Variants in TAS2R1 observed in about 807,000 individuals in gnomAD.
TAS2R1 encodes the protein taste 2 receptor member 1, also known as taste receptor type 2 member 1.
For missense variants in TAS2R1, 370 were observed against 353.4 expected, an observed-to-expected ratio of 1.05 and a Z score of -0.38; for synonymous variants, 141 against 134.2, an observed-to-expected ratio of 1.05 and a Z score of -0.35.
chr5:9,761,414 G>GA, the TAS2R1 span, among the ~76,000 whole-genome samples: 2,096 of 114,860 alleles, frequency 0.018, 18 homozygotes, highest in Middle Eastern at 0.037. Context: ...TCAAGTCCCA[G>GA]AAAAAAAAAA....
chr5:9,884,933 C>T, the TAS2R1 span, among the ~76,000 whole-genome samples: 1 of 152,188 alleles, frequency 6.6e-6, no homozygotes, highest in Non-Finnish European at 1.5e-5. Flanking sequence ...TTGACATTCA[C>T]TCTCAGTCTT....
the TAS2R1 span, among the ~76,000 whole-genome samples, chr5:9,813,795 T>C: frequency 6.6e-6 from 1 of 152,220 alleles, no homozygotes. Context: ...ATTTATAGAA[T>C]TGAAAGTACA....
the TAS2R1 span, among the ~76,000 whole-genome samples, chr5:9,735,899 C>G: frequency 6.6e-6 from 1 of 152,214 alleles, no homozygotes; most frequent in Non-Finnish European, 1.5e-5. Flanking sequence ...CTTGCTTCCA[C>G]CTTCTCCAGT....
the TAS2R1 span, among the ~76,000 whole-genome samples, chr5:9,856,021 T>C: frequency 1.1e-4 from 16 of 152,176 alleles, no homozygotes; most frequent in Non-Finnish European, 2.4e-4. Context: ...TGCCTTTGAA[T>C]AAGAATTGTA....
At chr5:9,890,398 C>T in the TAS2R1 span, among the ~76,000 whole-genome samples, 2 of 152,170 alleles carry the variant, frequency 1.3e-5, no homozygotes, top group Non-Finnish European at 2.9e-5. Flanking sequence ...CTAGCCCTTC[C>T]TCCTCCGCCT....
chr5:9,711,977 GT>G (rs60664247), intron 1 of TAS2R1, among the ~76,000 whole-genome samples: 1,078 of 104,806 alleles, frequency 0.01, 6 homozygotes, highest in Admixed American at 0.025. Context: ...TATGTTCAAC[GT>G]TTTTTTTTTT....
chr5:9,805,286 G>A, the TAS2R1 span, among the ~76,000 whole-genome samples: 1 of 151,864 alleles, frequency 6.6e-6, no homozygotes, highest in Non-Finnish European at 1.5e-5. Flanking sequence ...CCAGGACCAG[G>A]CAGATTCACA....
chr5:9,890,096 G>A, the TAS2R1 span, among the ~76,000 whole-genome samples: 1 of 152,000 alleles, frequency 6.6e-6, no homozygotes, highest in African/African-American at 2.4e-5. Flanking sequence ...ATAAAATATA[G>A]GGTAAAAAGA....
chr5:9,745,143 C>T, the TAS2R1 span, among the ~76,000 whole-genome samples: 1 of 152,080 alleles, frequency 6.6e-6, no homozygotes, highest in Non-Finnish European at 1.5e-5. Context: ...GATGCAGTGG[C>T]CTGGCCTCAT....
chr5:9,840,774 CTCTT>C, the TAS2R1 span, among the ~76,000 whole-genome samples: 1 of 151,528 alleles, frequency 6.6e-6, no homozygotes, highest in African/African-American at 2.4e-5. Flanking sequence ...TAGTAACAAA[CTCTT>C]TCAGTTTTTA....
At chr5:9,824,015 G>C in the TAS2R1 span, among the ~76,000 whole-genome samples, 1 of 152,120 alleles carries the variant, frequency 6.6e-6, no homozygotes, top group Non-Finnish European at 1.5e-5. Flanking sequence ...AGTGTTGCCC[G>C]CCTGCCTCCT....
At chr5:9,788,372 G>A in the TAS2R1 span, among the ~76,000 whole-genome samples, 1 of 152,192 alleles carries the variant, frequency 6.6e-6, no homozygotes, top group African/African-American at 2.4e-5. Context: ...AGCTGGGGCT[G>A]CACGGATGGT....
At chr5:9,699,826 A>C (rs1042172850) in intron 1 of TAS2R1, among the ~76,000 whole-genome samples, 2 of 152,210 alleles carry the variant, frequency 1.3e-5, no homozygotes, top group African/African-American at 4.8e-5. Context: ...ATTATTAGCT[A>C]AAGCCCTGTA....
chr5:9,712,047 GGAGGGAGGGA>G (rs1734692368), intron 1 of TAS2R1: 1 of 143,342 alleles, frequency 7.0e-6, no homozygotes. Context: ...AGGGAGGGAG[GGAGGGAGGGA>G]GGGAATAGAA....
the TAS2R1 span, among the ~76,000 whole-genome samples, chr5:9,878,679 A>C: frequency 6.6e-6 from 1 of 152,196 alleles, no homozygotes; most frequent in African/African-American, 2.4e-5. Flanking sequence ...ATGGGGAGAG[A>C]CAAGGAGGTC....
intron 1 of TAS2R1, among the ~76,000 whole-genome samples, chr5:9,665,157 T>C (rs1241448427): frequency 6.6e-6 from 1 of 152,200 alleles, no homozygotes; most frequent in Non-Finnish European, 1.5e-5. Flanking sequence ...TCAACAGTGG[T>C]AGAACTGAGG....
chr5:9,689,464 G>A (rs573618600), intron 1 of TAS2R1, among the ~76,000 whole-genome samples: 19 of 152,210 alleles, frequency 1.2e-4, no homozygotes, highest in Admixed American at 8.5e-4. Flanking sequence ...ATTCGTGCTC[G>A]GGATTCAGAG....
chr5:9,822,701 T>C, the TAS2R1 span, among the ~76,000 whole-genome samples: 1 of 152,178 alleles, frequency 6.6e-6, no homozygotes, highest in Non-Finnish European at 1.5e-5. Context: ...TGTACATATG[T>C]CCTTTTCCTT....
the TAS2R1 span, among the ~76,000 whole-genome samples, chr5:9,840,860 T>TA: frequency 0.27 from 810 of 2,996 alleles, 11 homozygotes; most frequent in South Asian, 0.36. Context: ...TTTATTTATT[T>TA]TTTTTTTTTT....
Sources: gnomAD v4.1 joint callset for allele counts (sites outside exome capture counted in the v4.1 genomes callset) on GRCh38, gnomAD v4.1.1 for gene constraint, MANE v1.5 for transcripts, NCBI Gene and HGNC (gene_info 2026-07-23, HGNC 2026-07-21) for gene names.